The following TNRC6C variants were observed in gnomAD, a reference collection of about 807,000 sequenced individuals.
The protein encoded by TNRC6C is trinucleotide repeat containing adaptor 6C.
Under a neutral mutation model 153.7 loss-of-function variants are expected in TNRC6C, and 20 were observed. The ratio of observed to expected loss-of-function variants is 0.13; its 90% CI spans 0.09 to 0.19. The LOEUF is 0.19. Among genes scored for constraint, TNRC6C ranks in the 10% least tolerant of loss-of-function variants. The pLI, the probability that TNRC6C is intolerant of heterozygous loss-of-function variation, is 1.00. For synonymous variants in TNRC6C, 811 were observed against 841.4 expected, an observed-to-expected ratio of 0.96 and a Z score of 0.63; for missense variants, 1,987 against 2,172.0, an observed-to-expected ratio of 0.91 and a Z score of 1.69.
intron 12 of TNRC6C, 106 bp downstream of exon 14, chr17:78,086,692 G>A: frequency 1.3e-6 from 2 of 1,557,552 alleles, no homozygotes; most frequent in South Asian, 1.1e-5. Context: ...CTCTAGCCAA[G>A]CCTTCCTTTG....
At chr17:78,031,439 T>C (rs1277481008) in intron 1 of TNRC6C, 77 bp from the exon 4 acceptor site, 16 of 1,103,356 alleles carry the variant, frequency 1.5e-5, no homozygotes, top group Non-Finnish European at 1.8e-5. Flanking sequence ...TTTTTGGTTA[T>C]GGTTTCCTTG....
intron 13 of TNRC6C, among the ~76,000 whole-genome samples, chr17:78,087,812 C>T (rs145282538): frequency 4.5e-4 from 69 of 152,270 alleles, no homozygotes; most frequent in Non-Finnish European, 8.5e-4. Flanking sequence ...ACTTGAAACC[C>T]GCAGGTCAGT....
chr17:78,068,725 C>T (rs1032867970), intron 5 of TNRC6C, among the ~76,000 whole-genome samples: 1 of 151,980 alleles, frequency 6.6e-6, no homozygotes, highest in Admixed American at 6.6e-5. Context: ...ACCTGGGAGG[C>T]GGAGGTTGCA....
upstream of TNRC6C, among the ~76,000 whole-genome samples, chr17:77,958,387 C>T (rs373639895): frequency 1.3e-5 from 2 of 152,146 alleles, no homozygotes; most frequent in South Asian, 2.1e-4. Context: ...GACTGGCGCG[C>T]GTCCCGGCCA....
chr17:78,103,794 T>C (rs2073640036), intron 19 of TNRC6C, among the ~76,000 whole-genome samples: 1 of 152,168 alleles, frequency 6.6e-6, no homozygotes, highest in African/African-American at 2.4e-5. Context: ...TCTTATATGG[T>C]CGTCTCTTTG....
At position 78,071,916 on chromosome 17, in the gene TNRC6C, G is replaced by T. The variant is rs549765742; in HGVS notation, c.2859+751G>T. On this transcript the variant is annotated intron_variant, in intron 6 of 19. Coordinates refer to ENST00000301624, the Ensembl canonical transcript of TNRC6C. ...CGTAGGGAGAATTCATAATTGTAGG[G>T]CGTTCCCCTGAAAATACCACAGTCT... Among the ~76,000 whole-genome samples, 313 of 152,288 alleles carry T rather than the reference G, an allele frequency of 2.1e-3. 4 individuals are homozygous for T. Among genetic ancestry groups the T allele is most frequent in the African/African-American group, 6.9e-3 (285 of 41,560 alleles).
chr17:78,092,930 T>C lies in TNRC6C; in HGVS notation c.3971-3T>C. ...GCTTCTTTGTTTCCTATTGTCCCCA[T>C]AGGTGCTATCCCTGGAGGTCTAAGC... On this transcript the variant is annotated splice_region_variant and splice_polypyrimidine_tract_variant and intron_variant, in intron 14 of 19. Transcript: ENST00000301624. 1.2e-6 allele frequency: 2 copies of C among 1,613,646 alleles called. No individual in the cohort carries two copies. Among genetic ancestry groups the C allele is most frequent in the Non-Finnish European group, 1.7e-6 (2 of 1,179,762 alleles).
intron 10 of TNRC6C, among the ~76,000 whole-genome samples, chr17:78,081,822 C>G (rs2073185866): frequency 6.6e-6 from 1 of 152,222 alleles, no homozygotes; most frequent in Non-Finnish European, 1.5e-5. Context: ...GGCAAGGCAT[C>G]TGTGTGCCGT....
chr17:78,075,094 C>G lies in TNRC6C; in HGVS notation c.2918-42C>G. The G allele has an allele frequency of 6.2e-7, 1 of 1,604,346 alleles. No individual in the cohort carries two copies. The highest frequency in any genetic ancestry group is 8.5e-7 in the Non-Finnish European group (1 of 1,175,036). On this transcript the variant is annotated intron_variant, in intron 7 of 19. Coordinates refer to ENST00000301624, the Ensembl canonical transcript of TNRC6C. The surrounding 1 kb of genome is among the most constrained non-coding windows in gnomAD (Gnocchi z 4.2). Reference sequence around the variant, plus strand: ...GTGCCTATCTTGTGCTCAGCACTCACTTGTTTTGTTTACAACATTGCTTCT... The same window carrying G: ...GTGCCTATCTTGTGCTCAGCACTCAGTTGTTTTGTTTACAACATTGCTTCT...
intron 1 of TNRC6C, among the ~76,000 whole-genome samples, chr17:77,962,604 C>T (rs1023354488): frequency 2.0e-5 from 3 of 152,136 alleles, no homozygotes; most frequent in African/African-American, 7.2e-5. Context: ...GAGCAGGAGG[C>T]GGAGTCCTGA....
upstream of TNRC6C, among the ~76,000 whole-genome samples, chr17:77,999,858 A>T (rs1277399963): frequency 6.6e-6 from 1 of 152,220 alleles, no homozygotes; most frequent in East Asian, 1.9e-4. Context: ...GAGACTCTAA[A>T]GCCAGTCTGC....
At chr17:78,092,076 C>G (rs1243925775) in intron 14 of TNRC6C, among the ~76,000 whole-genome samples, 2 of 152,134 alleles carry the variant, frequency 1.3e-5, no homozygotes, top group African/African-American at 4.8e-5. Context: ...ATCGGGAACT[C>G]TTTACTGATG....
intron 1 of TNRC6C, among the ~76,000 whole-genome samples, chr17:78,011,339 C>T (rs1016566836): frequency 4.5e-4 from 68 of 152,312 alleles, no homozygotes; most frequent in African/African-American, 1.6e-3. Flanking sequence ...TCTCCTCTGT[C>T]CCCACCCTAC....
intron 10 of TNRC6C, among the ~76,000 whole-genome samples, chr17:78,080,950 G>A (rs1158955046): frequency 6.6e-6 from 1 of 152,074 alleles, no homozygotes. Context: ...TAGTTTGTTG[G>A]AATATGGTGT....
chr17:78,049,235 C>G lies in TNRC6C; in HGVS notation c.173C>G (p.Ser58Cys), dbSNP rs2072469353. 6.2e-7 allele frequency: 1 copy of G among 1,611,082 alleles called. No homozygotes were observed. Among genetic ancestry groups the G allele is most frequent in the Non-Finnish European group, 8.5e-7 (1 of 1,178,224 alleles). ...AGAGTGTGGGGTGTAGCCACAGGCTCCAGCTCTGGCCTGGCTCACTGCTCT... is the reference window on the plus strand; with the variant it reads ...AGAGTGTGGGGTGTAGCCACAGGCTGCAGCTCTGGCCTGGCTCACTGCTCT... The change falls in exon 3 of 20, where the codon TCC (serine) becomes TGC (cysteine). Residue 58 changes from serine to cysteine, a missense_variant. By Grantham distance (112) the Ser-to-Cys change is moderately radical (BLOSUM62 -1). Coordinates refer to ENST00000301624, the Ensembl canonical transcript of TNRC6C. This position sits in a 1 kb window ranked among gnomAD's most constrained non-coding sequence, Gnocchi z 4.1.
At chr17:78,093,529 T>A in intron 15 of TNRC6C, 91 bp from the exon 18 acceptor site, 1 of 1,492,704 alleles carries the variant, frequency 6.7e-7, no homozygotes, top group Non-Finnish European at 9.0e-7. Flanking sequence ...TATAAAAATT[T>A]CTACAAACAG....
chr17:77,965,083 G>A (rs567778851), intron 1 of TNRC6C, among the ~76,000 whole-genome samples: 1 of 152,294 alleles, frequency 6.6e-6, no homozygotes, highest in South Asian at 2.1e-4. Context: ...CCAAGGACAT[G>A]AGTTTATCTT....
intron 1 of TNRC6C, among the ~76,000 whole-genome samples, chr17:78,031,269 G>T (rs1266596448): frequency 6.6e-6 from 1 of 152,076 alleles, no homozygotes; most frequent in East Asian, 1.9e-4. Flanking sequence ...CAGTCTTAAT[G>T]TATCACCTTG....
intron 1 of TNRC6C, among the ~76,000 whole-genome samples, chr17:77,970,780 C>A (rs2070934596): frequency 6.6e-6 from 1 of 152,076 alleles, no homozygotes; most frequent in South Asian, 2.1e-4. Context: ...AGATTGGACA[C>A]CCCTGGTATA....
Sources: allele counts gnomAD v4.1 joint callset (sites outside exome capture counted in the v4.1 genomes callset), GRCh38; gene constraint gnomAD v4.1.1; non-coding constraint Gnocchi (gnomAD v3.1); transcripts MANE v1.5; gene names NCBI Gene and HGNC (gene_info 2026-07-23, HGNC 2026-07-21).